FAHD1: variants seen among roughly 807,000 people sequenced by gnomAD.
The protein encoded by FAHD1 is oxaloacetate tautomerase FAHD1, mitochondrial.
FAHD1 carries 14 observed loss-of-function variants against 12.7 expected under a neutral mutation model. The ratio of observed to expected loss-of-function variants is 1.10; its 90% confidence interval spans 0.73 to 1.72. FAHD1 has a LOEUF of 1.72. FAHD1 is among the 40% of genes most tolerant of loss of function. The probability of loss-of-function intolerance (pLI) is 0.00; values close to 1 mark genes in which losing one functional copy is unlikely to be tolerated. For missense variants in FAHD1, 351 were observed against 298.9 expected (o/e 1.17, Z -1.29); for synonymous variants, 153 against 124.9 (o/e 1.22, Z -1.50).
chr16:1,838,141 A>G (rs1429649453), intron 2 of FAHD1: 1 of 554,356 alleles, frequency 1.8e-6, no homozygotes, highest in South Asian at 2.7e-5. Context: ...ACAGGTATGC[A>G]CTACTCTTCT....
Position 1,834,329 on chromosome 16 carries a change from A to G in FAHD1, c.628-3687A>G. 5 of 1,612,712 alleles carry G rather than the reference A, an allele frequency of 3.1e-6. No individual in the cohort carries two copies. The highest frequency in any genetic ancestry group is 2.2e-5 in the East Asian group (1 of 44,870). On this transcript the variant is annotated intron_variant, in intron 1 of 2. Transcript: ENST00000382666. ...TGCAAGCTTGCACGAGAGTACACTA[A>G]TTTTCAATCCACTCCTTGCTCTGTG...
downstream of FAHD1, among the ~76,000 whole-genome samples, chr16:1,831,693 C>G (rs1227993153): frequency 1.3e-5 from 2 of 152,180 alleles, no homozygotes; most frequent in Non-Finnish European, 2.9e-5. Flanking sequence ...AGCCCGTGGC[C>G]TGTTACAAAC....
downstream of FAHD1, among the ~76,000 whole-genome samples, chr16:1,830,944 A>ACACACACACACACACC (rs57025691): frequency 6.8e-5 from 10 of 147,200 alleles, no homozygotes; most frequent in East Asian, 2.0e-4. Flanking sequence ...ACACACACAC[A>ACACACACACACACACC]CCCATATTTT....
chr16:1,837,092 T>C (rs964631107), intron 1 of FAHD1, among the ~76,000 whole-genome samples: 3 of 152,188 alleles, frequency 2.0e-5, no homozygotes, highest in Non-Finnish European at 4.4e-5. Flanking sequence ...TTTCCTCCTC[T>C]GACACCTTGA....
At chr16:1,831,072 TC>T (rs1184102234), downstream of FAHD1, among the ~76,000 whole-genome samples, 1 of 152,226 alleles carries the variant, frequency 6.6e-6, no homozygotes, top group Non-Finnish European at 1.5e-5. Context: ...AGAAAATAAT[TC>T]CACAGTGTAT....
chr16:1,837,357 A>G (rs1314616286), intron 1 of FAHD1, among the ~76,000 whole-genome samples: 1 of 152,054 alleles, frequency 6.6e-6, no homozygotes, highest in African/African-American at 2.4e-5. Context: ...GGGTGGGGAC[A>G]ACCTAGTCTG....
At chr16:1,837,078 C>T (rs1898768733) in intron 1 of FAHD1, among the ~76,000 whole-genome samples, 1 of 152,170 alleles carries the variant, frequency 6.6e-6, no homozygotes, top group South Asian at 2.1e-4. Context: ...TGTCTCACTG[C>T]ACTTTTCCTC....
chr16:1,834,882 C>T (rs1898697233), intron 1 of FAHD1, among the ~76,000 whole-genome samples: 1 of 152,004 alleles, frequency 6.6e-6, no homozygotes, highest in Admixed American at 6.6e-5. Flanking sequence ...TTGCAGTGAG[C>T]AGAGATTGTG....
exon 1 of FAHD1, chr16:1,827,718 C>A: frequency 6.2e-7 from 1 of 1,614,166 alleles, no homozygotes; most frequent in Non-Finnish European, 8.5e-7. Flanking sequence ...GTGAGACATC[C>A]TCCATGATTT....
chr16:1,839,088 C>A (rs1268722748), intron 2 of FAHD1, among the ~76,000 whole-genome samples: 1 of 152,126 alleles, frequency 6.6e-6, no homozygotes, highest in African/African-American at 2.4e-5. Context: ...AAATATGTAA[C>A]ATTTGTTCAT....
exon 1 of FAHD1, chr16:1,827,245 G>C (rs1258340379): frequency 1.2e-6 from 2 of 1,603,626 alleles, no homozygotes; most frequent in Non-Finnish European, 1.7e-6. Context: ...AATCATGGCA[G>C]CATCCAGGCC....
chr16:1,835,520 AC>A (rs1898720326), intron 1 of FAHD1, among the ~76,000 whole-genome samples: 1 of 152,212 alleles, frequency 6.6e-6, no homozygotes, highest in Admixed American at 6.5e-5. Context: ...AAAAGTACCA[AC>A]ATCAGGGAAA....
exon 1 of FAHD1, chr16:1,828,063 C>T: frequency 3.0e-6 from 4 of 1,329,604 alleles, no homozygotes; most frequent in Non-Finnish European, 4.0e-6. Context: ...GGGCGGCTCA[C>T]GACGTCAGGA....
chr16:1,828,760 A>G (rs1341422392), exon 1 of FAHD1: 1 of 988,806 alleles, frequency 1.0e-6, no homozygotes, highest in African/African-American at 1.8e-5. Flanking sequence ...ACTCCTGTAC[A>G]TAATCGGTTA....
At position 1,827,251 on chromosome 16, in the gene FAHD1, A is replaced by G. The variant is rs1251944280; in HGVS notation, c.13A>G (p.Arg5Gly). ...CTTGATGGGAATCATGGCAGCATCC[A>G]GGCCATTGTCCCGCTTCTGGGAGTG... The change falls in exon 1 of 1, where the codon AGG becomes GGG. Residue 5 changes from arginine (R) to glycine (G), a missense_variant. By Grantham distance (125) the Arg-to-Gly change is moderately radical (BLOSUM62 -2). Coordinates refer to ENST00000427358, the Ensembl canonical transcript of FAHD1. The G allele has an allele frequency of 3.1e-6, 5 of 1,608,928 alleles. No individual in the cohort carries two copies. Among genetic ancestry groups the G allele is most frequent in the East Asian group, 2.2e-5 (1 of 44,688 alleles).
chr16:1,838,244 C>A, intron 2 of FAHD1: 1 of 415,422 alleles, frequency 2.4e-6, no homozygotes, highest in East Asian at 3.4e-5. Context: ...AAGTGATCCT[C>A]CTGCCTCAGC....
downstream of FAHD1, among the ~76,000 whole-genome samples, chr16:1,829,374 TGATCA>T (rs1898582843): frequency 2.0e-5 from 3 of 152,210 alleles, no homozygotes; most frequent in African/African-American, 7.2e-5. Context: ...AAGCTTAGTA[TGATCA>T]CTACCATCCC....
At chr16:1,834,453 G>C in intron 1 of FAHD1, 1 of 701,344 alleles carries the variant, frequency 1.4e-6, no homozygotes, top group East Asian at 2.7e-5. Context: ...ATCACGAATA[G>C]AGAACTGCAA....
At chr16:1,831,356 G>T (rs1898617289), downstream of FAHD1, among the ~76,000 whole-genome samples, 1 of 152,174 alleles carries the variant, frequency 6.6e-6, no homozygotes, top group Non-Finnish European at 1.5e-5. Context: ...GAAGCAGAAA[G>T]GGCAGGGAGC....
Sources: gnomAD v4.1 joint callset for allele counts (sites outside exome capture counted in the v4.1 genomes callset) on GRCh38, gnomAD v4.1.1 for gene constraint, MANE v1.5 for transcripts, NCBI Gene and HGNC (gene_info 2026-07-23, HGNC 2026-07-21) for gene names.